Variants in BNC2 observed in about 807,000 individuals in gnomAD.
BNC2 encodes the protein basonuclin zinc finger protein 2, also known as zinc finger protein basonuclin-2.
In BNC2, 20 loss-of-function variants were observed where a neutral mutation model predicts 76.3. The ratio of observed to expected loss-of-function variants is 0.26; its 90% CI spans 0.18 to 0.38. The LOEUF (loss-of-function observed/expected upper bound fraction) is 0.38. Among genes scored for constraint, BNC2 ranks in the 10% least tolerant of loss-of-function variants. The probability of loss-of-function intolerance (pLI) is 1.00; values close to 1 mark genes in which losing one functional copy is unlikely to be tolerated. For missense variants in BNC2, 1,382 were observed against 1,399.8 expected, an observed-to-expected ratio of 0.99 and a Z score of 0.20; for synonymous variants, 582 against 514.8, an observed-to-expected ratio of 1.13 and a Z score of -1.77.
At chr9:16,783,492 C>T (rs1826206608) in intron 1 of BNC2, among the ~76,000 whole-genome samples, 1 of 152,200 alleles carries the variant, frequency 6.6e-6, no homozygotes, top group African/African-American at 2.4e-5. Context: ...TACGCTTCTG[C>T]ATACGACAAG....
At chr9:16,750,410 C>A (rs548573689) in intron 1 of BNC2, among the ~76,000 whole-genome samples, 48 of 152,308 alleles carry the variant, frequency 3.2e-4, no homozygotes, top group Non-Finnish European at 4.7e-4. Flanking sequence ...TATGGCTTTA[C>A]CACTCATCTC....
chr9:16,430,251 TGTTGTAA>T (rs1820883606), intron 6 of BNC2, among the ~76,000 whole-genome samples: 2 of 151,970 alleles, frequency 1.3e-5, no homozygotes, highest in African/African-American at 4.8e-5. Flanking sequence ...CACAACTTCA[TGTTGTAA>T]GAGAATTTTA....
At chr9:16,433,422 G>A (rs561654152) in intron 6 of BNC2, among the ~76,000 whole-genome samples, 2 of 152,200 alleles carry the variant, frequency 1.3e-5, no homozygotes, top group African/African-American at 4.8e-5. Context: ...TATCTTCTAT[G>A]TGACTGAACA....
chr9:16,651,512 T>A (rs1338454424), intron 3 of BNC2, among the ~76,000 whole-genome samples: 2 of 152,194 alleles, frequency 1.3e-5, no homozygotes. Flanking sequence ...ACCAGTCACT[T>A]GTCCTAGAAG....
At chr9:16,714,779 G>A (rs1823949874) in intron 3 of BNC2, among the ~76,000 whole-genome samples, 1 of 152,174 alleles carries the variant, frequency 6.6e-6, no homozygotes, top group Non-Finnish European at 1.5e-5. Flanking sequence ...ATCAATAACA[G>A]GATGACCTTC....
chr9:16,623,552 C>T (rs1820918613), intron 3 of BNC2, among the ~76,000 whole-genome samples: 1 of 152,156 alleles, frequency 6.6e-6, no homozygotes, highest in Admixed American at 6.5e-5. Context: ...TAAAGCAATT[C>T]AGTCGACTAT....
intron 5 of BNC2, among the ~76,000 whole-genome samples, chr9:16,438,322 T>C (rs1007901136): frequency 2.0e-5 from 3 of 152,220 alleles, no homozygotes; most frequent in African/African-American, 7.2e-5. Context: ...AGTAAACATG[T>C]GATGGATTTA....
intron 5 of BNC2, among the ~76,000 whole-genome samples, chr9:16,514,256 T>A (rs1445240084): frequency 3.9e-5 from 6 of 152,282 alleles, no homozygotes; most frequent in Admixed American, 1.3e-4. Context: ...AGTTACTAGG[T>A]TTCAAACCAA....
chr9:16,866,674 A>C (rs1177504377), intron 1 of BNC2, among the ~76,000 whole-genome samples: 1 of 151,602 alleles, frequency 6.6e-6, no homozygotes, highest in East Asian at 1.9e-4. Context: ...AAAAAAAAAA[A>C]AAAAAAAAAA....
At chr9:16,452,688 G>A (rs1039775008) in intron 5 of BNC2, among the ~76,000 whole-genome samples, 1 of 152,178 alleles carries the variant, frequency 6.6e-6, no homozygotes, top group Non-Finnish European at 1.5e-5. Context: ...GGGATCACAG[G>A]TGTGAGCCAC....
At chr9:16,549,276 C>A (rs75614548) in intron 5 of BNC2, among the ~76,000 whole-genome samples, 3 of 152,132 alleles carry the variant, frequency 2.0e-5, no homozygotes, top group Admixed American at 2.0e-4. Context: ...TTCAACTTAC[C>A]GTACATCTTC....
intron 1 of BNC2, among the ~76,000 whole-genome samples, chr9:16,785,983 G>A (rs1012030011): frequency 2.6e-5 from 4 of 152,048 alleles, no homozygotes; most frequent in African/African-American, 9.7e-5. Flanking sequence ...AAGCTGAAAG[G>A]AAGGCAGGAA....
intron 2 of BNC2, among the ~76,000 whole-genome samples, chr9:16,736,879 T>C (rs555819847): frequency 7.6e-4 from 115 of 152,008 alleles, no homozygotes; most frequent in African/African-American, 2.6e-3. Context: ...CCATCTCGGC[T>C]CACCGCAATC....
chr9:16,524,719 TACA>T (rs1405452484), intron 5 of BNC2, among the ~76,000 whole-genome samples: 7 of 152,180 alleles, frequency 4.6e-5, no homozygotes, highest in Admixed American at 4.6e-4. Context: ...ATAAGCTCTA[TACA>T]ACAACATTTA....
At chr9:16,732,742 G>A (rs145203807) in intron 2 of BNC2, among the ~76,000 whole-genome samples, 59 of 152,206 alleles carry the variant, frequency 3.9e-4, no homozygotes, top group Non-Finnish European at 6.6e-4. Context: ...ACACACGCTG[G>A]TATTCATCTA....
At chr9:16,731,623 T>G (rs1302677831) in intron 2 of BNC2, among the ~76,000 whole-genome samples, 5 of 152,212 alleles carry the variant, frequency 3.3e-5, no homozygotes, top group African/African-American at 1.2e-4. Context: ...GAATGCACTA[T>G]AACATGCCTT....
At chr9:16,511,284 A>AT (rs1194319824) in intron 5 of BNC2, among the ~76,000 whole-genome samples, 4 of 151,208 alleles carry the variant, frequency 2.6e-5, no homozygotes, top group African/African-American at 7.3e-5. Flanking sequence ...TGGTTTTTAA[A>AT]TTTTTTTGTA....
At chr9:16,823,602 CAA>C (rs757781498) in intron 1 of BNC2, among the ~76,000 whole-genome samples, 31 of 112,630 alleles carry the variant, frequency 2.8e-4, no homozygotes, top group Admixed American at 4.7e-4. Flanking sequence ...GATCCTGTTT[CAA>C]AAAAAAAAAA....
chr9:16,544,298 T>C (rs903511253), intron 5 of BNC2, among the ~76,000 whole-genome samples: 1 of 152,242 alleles, frequency 6.6e-6, no homozygotes, highest in African/African-American at 2.4e-5. Context: ...TTGATCTTTC[T>C]GCTCCAGAAA....
Sources: allele counts gnomAD v4.1 joint callset (sites outside exome capture counted in the v4.1 genomes callset), GRCh38; gene constraint gnomAD v4.1.1; transcripts MANE v1.5; gene names NCBI Gene and HGNC (gene_info 2026-07-23, HGNC 2026-07-21).